Variants in PTPRD observed in about 807,000 individuals in gnomAD.
PTPRD encodes the protein receptor-type tyrosine-protein phosphatase delta.
In PTPRD, 34 loss-of-function variants were observed where a neutral mutation model predicts 214.5. That is an observed-to-expected ratio of 0.16 (90% CI 0.12 to 0.21). The LOEUF (loss-of-function observed/expected upper bound fraction) is 0.21. Among genes scored for constraint, PTPRD ranks in the 10% least tolerant of loss-of-function variants. PTPRD has a pLI of 1.00. For synonymous variants in PTPRD, 1,128 were observed against 845.7 expected, an observed-to-expected ratio of 1.33 and a Z score of -5.79; for missense variants, 2,545 against 2,398.7, an observed-to-expected ratio of 1.06 and a Z score of -1.27.
intron 11 of PTPRD, among the ~76,000 whole-genome samples, chr9:8,898,458 A>T (rs573563054): frequency 1.3e-5 from 2 of 152,292 alleles, no homozygotes; most frequent in East Asian, 3.9e-4. Flanking sequence ...TATTTATACA[A>T]TGTAGGTGGC....
chr9:9,716,202 C>T (rs1296443502), intron 7 of PTPRD, among the ~76,000 whole-genome samples: 1 of 152,148 alleles, frequency 6.6e-6, no homozygotes, highest in Non-Finnish European at 1.5e-5. Context: ...TTTATGGCTG[C>T]ATAGTATTCC....
intron 8 of PTPRD, among the ~76,000 whole-genome samples, chr9:9,498,010 G>A (rs1279608464): frequency 2.0e-5 from 3 of 152,004 alleles, no homozygotes; most frequent in Non-Finnish European, 4.4e-5. Flanking sequence ...TATTTTGCTT[G>A]CCTGAGATAA....
intron 37 of PTPRD, among the ~76,000 whole-genome samples, chr9:8,382,276 T>C (rs1314816061): frequency 1.3e-5 from 2 of 152,180 alleles, no homozygotes; most frequent in African/African-American, 2.4e-5. Context: ...AAACCAAACA[T>C]TGGACCCTAA....
intron 5 of PTPRD, among the ~76,000 whole-genome samples, chr9:9,919,666 T>G (rs1288394468): frequency 6.6e-6 from 1 of 152,150 alleles, no homozygotes; most frequent in Non-Finnish European, 1.5e-5. Context: ...TGCAGCTTAA[T>G]GATTTGCATT....
intron 3 of PTPRD, among the ~76,000 whole-genome samples, chr9:10,243,099 T>C (rs1403845876): frequency 6.6e-6 from 1 of 152,056 alleles, no homozygotes; most frequent in Non-Finnish European, 1.5e-5. Context: ...CTTTGCACTT[T>C]ATGGACAATT....
At chr9:9,901,044 A>C (rs1329690874) in intron 5 of PTPRD, among the ~76,000 whole-genome samples, 3 of 152,154 alleles carry the variant, frequency 2.0e-5, no homozygotes, top group Non-Finnish European at 4.4e-5. Context: ...CAGGCTGTAC[A>C]ACAATGGCAC....
intron 3 of PTPRD, among the ~76,000 whole-genome samples, chr9:10,185,983 T>C (rs1199732914): frequency 6.6e-6 from 1 of 152,142 alleles, no homozygotes; most frequent in African/African-American, 2.4e-5. Flanking sequence ...TTGAACATTA[T>C]TCTCCAAAAT....
At chr9:8,814,370 T>C (rs899580310) in intron 11 of PTPRD, among the ~76,000 whole-genome samples, 1 of 151,538 alleles carries the variant, frequency 6.6e-6, no homozygotes, top group Non-Finnish European at 1.5e-5. Flanking sequence ...CGGAGAACGC[T>C]TTAAGTGAAG....
chr9:9,191,145 G>A (rs1017211725), intron 9 of PTPRD, among the ~76,000 whole-genome samples: 7 of 152,120 alleles, frequency 4.6e-5, no homozygotes, highest in Non-Finnish European at 5.9e-5. Context: ...TGCTTGCTAT[G>A]TCACATTCTG....
At chr9:8,712,526 T>TA (rs1006597725) in intron 12 of PTPRD, among the ~76,000 whole-genome samples, 1 of 151,980 alleles carries the variant, frequency 6.6e-6, no homozygotes, top group African/African-American at 2.4e-5. Context: ...AGTGGACAGA[T>TA]ACTGCCTCCA....
At chr9:9,174,557 C>T (rs1353488816) in intron 10 of PTPRD, among the ~76,000 whole-genome samples, 1 of 152,034 alleles carries the variant, frequency 6.6e-6, no homozygotes, top group African/African-American at 2.4e-5. Context: ...AGTAGATATA[C>T]ATAAATGCTA....
intron 4 of PTPRD, among the ~76,000 whole-genome samples, chr9:9,942,244 A>C (rs574800738): frequency 1.3e-5 from 2 of 152,268 alleles, no homozygotes; most frequent in African/African-American, 4.8e-5. Context: ...CTCCTTTAAA[A>C]AAATTCAATG....
At chr9:8,620,095 C>T (rs1375515459) in intron 14 of PTPRD, among the ~76,000 whole-genome samples, 1 of 152,018 alleles carries the variant, frequency 6.6e-6, no homozygotes, top group Admixed American at 6.6e-5. Flanking sequence ...TCAGATGGAA[C>T]ACCTATATAT....
chr9:8,368,841 T>C (rs1263660217), intron 39 of PTPRD, among the ~76,000 whole-genome samples: 2 of 152,108 alleles, frequency 1.3e-5, no homozygotes, highest in South Asian at 2.1e-4. Context: ...ACAGAATTAT[T>C]GGTGTATGAA....
intron 39 of PTPRD, among the ~76,000 whole-genome samples, chr9:8,365,765 T>C (rs2134098288): frequency 6.6e-6 from 1 of 152,314 alleles, no homozygotes; most frequent in South Asian, 2.1e-4. Flanking sequence ...GCCTTGTAGC[T>C]TCCCCTTTGA....
chr9:9,183,903 G>A (rs1422201695), intron 9 of PTPRD, among the ~76,000 whole-genome samples: 1 of 151,532 alleles, frequency 6.6e-6, no homozygotes, highest in East Asian at 1.9e-4. Context: ...TTATGTTTAA[G>A]AATTTCATAA....
At chr9:9,927,424 G>T (rs911420095) in intron 5 of PTPRD, among the ~76,000 whole-genome samples, 20 of 152,084 alleles carry the variant, frequency 1.3e-4, no homozygotes, top group African/African-American at 4.8e-4. Flanking sequence ...CCCTACATCT[G>T]CAATGCCATT....
Position 10,517,858 on chromosome 9 carries a change from T to C in PTPRD, c.-600+94540A>G, listed in dbSNP as rs1339559493. Among the ~76,000 whole-genome samples the C allele has an allele frequency of 7.2e-5, 11 of 152,250 alleles. No individual in the cohort carries two copies. The East Asian group carries it at 2.1e-3, about 29-fold the overall frequency. On this transcript the variant is annotated intron_variant, in intron 2 of 45. Coordinates refer to ENST00000381196, the MANE Select transcript of PTPRD (RefSeq NM_002839.4). ...TACCTTTTGAATTTAAAATGTGTGT[T>C]TAAAGAATCTGTATAAGTCAATGAA...
chr9:9,472,189 C>CTTTTTTT (rs1220396472), intron 8 of PTPRD, among the ~76,000 whole-genome samples: 7 of 82,826 alleles, frequency 8.5e-5, no homozygotes, highest in East Asian at 3.9e-4. Context: ...CTACTCCAAT[C>CTTTTTTT]TTTTTTTTTT....
Sources: allele counts gnomAD v4.1 joint callset (sites outside exome capture counted in the v4.1 genomes callset), GRCh38; gene constraint gnomAD v4.1.1; transcripts MANE v1.5; gene names NCBI Gene and HGNC (gene_info 2026-07-23, HGNC 2026-07-21).